Variants in NCAM1 observed in about 807,000 individuals in gnomAD.
The protein encoded by NCAM1 is neural cell adhesion molecule 1, also known as antigen recognized by monoclonal antibody 5.1H11.
In NCAM1, 14 loss-of-function variants were observed where a neutral mutation model predicts 109.8. That is an observed-to-expected ratio of 0.13 (90% CI 0.08 to 0.20). The LOEUF is 0.20. Among genes scored for constraint, NCAM1 ranks in the 10% least tolerant of loss-of-function variants. The pLI, the probability that NCAM1 is intolerant of heterozygous loss-of-function variation, is 1.00. For missense variants in NCAM1, 774 were observed against 1,109.9 expected (o/e 0.70, Z 4.30); for synonymous variants, 418 against 442.9 (o/e 0.94, Z 0.70).
intron 1 of NCAM1, among the ~76,000 whole-genome samples, chr11:113,102,033 C>T (rs1315751077): frequency 6.6e-6 from 1 of 152,084 alleles, no homozygotes; most frequent in Non-Finnish European, 1.5e-5. Context: ...TGGGTTAATA[C>T]CTGATTAACA....
intron 1 of NCAM1, 37 bp from the exon 2 acceptor site, chr11:113,202,342 G>C (rs199912330): frequency 6.9e-5 from 79 of 1,142,022 alleles, no homozygotes; most frequent in Non-Finnish European, 9.2e-5. Flanking sequence ...GTTTTTTTTT[G>C]TTTTTTGTTT....
chr11:113,153,475 A>T (rs11214517), intron 1 of NCAM1, among the ~76,000 whole-genome samples: 1,895 of 148,702 alleles, frequency 0.013, 20 homozygotes, highest in Admixed American at 0.028. Context: ...AGAGAGAGAG[A>T]GTGTGTGTGT....
chr11:113,101,240 C>G (rs1939861244), intron 1 of NCAM1, among the ~76,000 whole-genome samples: 1 of 152,124 alleles, frequency 6.6e-6, no homozygotes, highest in South Asian at 2.1e-4. Flanking sequence ...ACCTAGAGTT[C>G]CTATGGCCTC....
chr11:113,091,365 T>G (rs1939336513), intron 1 of NCAM1, among the ~76,000 whole-genome samples: 2 of 152,270 alleles, frequency 1.3e-5, no homozygotes, highest in South Asian at 4.1e-4. Context: ...CAGGATGGTA[T>G]GCTGCAGATG....
chr11:113,017,142 A>G lies in NCAM1; in HGVS notation c.52+55478A>G, dbSNP rs532718077. Among the ~76,000 whole-genome samples, 26 of 152,284 alleles carry G rather than the reference A, an allele frequency of 1.7e-4. No individual in the cohort carries two copies. The East Asian group carries it at 5.0e-3, about 29-fold the overall frequency. ...CCTTGACTCTTCAGCAGTTTCCATG[A>G]GGTAGAAGAAACTGCTCCACCTTCT... On this transcript the variant is annotated intron_variant, in intron 1 of 19. Transcript: ENST00000316851.
At chr11:113,162,995 C>T (rs1156602433) in intron 1 of NCAM1, among the ~76,000 whole-genome samples, 1 of 152,306 alleles carries the variant, frequency 6.6e-6, no homozygotes, top group East Asian at 1.9e-4. Flanking sequence ...CCTTCACACT[C>T]AAATTCCCCT....
intron 1 of NCAM1, among the ~76,000 whole-genome samples, chr11:113,136,865 A>G (rs2136166590): frequency 6.6e-6 from 1 of 152,182 alleles, no homozygotes; most frequent in Admixed American, 6.5e-5. Flanking sequence ...CAAGAGGAGG[A>G]GCTGAATGGA....
intron 1 of NCAM1, among the ~76,000 whole-genome samples, chr11:113,116,770 G>C (rs1940732856): frequency 6.6e-6 from 1 of 151,410 alleles, no homozygotes; most frequent in African/African-American, 2.5e-5. Flanking sequence ...CATTCTTCAA[G>C]AGGCTCTTTC....
chr11:113,005,822 T>C (rs1227576214), intron 1 of NCAM1, among the ~76,000 whole-genome samples: 2 of 152,342 alleles, frequency 1.3e-5, no homozygotes, highest in Non-Finnish European at 2.9e-5. Flanking sequence ...AAGAATGTCT[T>C]TCAAGCACAT....
chr11:113,263,667 C>A, intron 17 of NCAM1: 4 of 985,554 alleles, frequency 4.1e-6, no homozygotes, highest in Non-Finnish European at 4.8e-6. Context: ...TGTTTGTCTC[C>A]CAATCGGGGT....
chr11:113,265,441 A>G (rs1946118328), intron 17 of NCAM1, among the ~76,000 whole-genome samples: 1 of 152,168 alleles, frequency 6.6e-6, no homozygotes, highest in Non-Finnish European at 1.5e-5. Flanking sequence ...CCTTTGCAGA[A>G]CTGGGGAGGT....
intron 15 of NCAM1, 92 bp downstream of exon 15, chr11:113,246,462 A>G: frequency 1.4e-6 from 1 of 692,686 alleles, no homozygotes; most frequent in African/African-American, 1.8e-5. Flanking sequence ...AGATTTCCTA[A>G]GCAAAGCCAT....
chr11:113,245,690 C>T (rs1472068728), intron 14 of NCAM1, among the ~76,000 whole-genome samples: 2 of 152,146 alleles, frequency 1.3e-5, no homozygotes, highest in African/African-American at 4.8e-5. Context: ...ATCCTCAAAG[C>T]CACCATCTCT....
rs1555126420 is a variant in NCAM1, at chr11:113,275,574, T to C, written c.*187T>C. 13 of 710,292 alleles carry C rather than the reference T, an allele frequency of 1.8e-5. No individual in the cohort carries two copies. Among genetic ancestry groups the C allele is most frequent in the Non-Finnish European group, 2.8e-5 (13 of 467,976 alleles). The allele number at this position is 710,292 out of a possible 1,614,324, so 44.0% of individuals were successfully genotyped here. A position where few individuals can be genotyped will look rare whatever the true frequency, so the allele number is the denominator to read the frequency against. ...AAACAGATAAAACATGGGAATCTCC[T>C]TTTTGTAGGTTTATAGAAAGGGTCC... is the stretch of plus-strand genomic sequence containing the variant. On this transcript the variant is annotated 3_prime_UTR_variant, in exon 20 of 20. Coordinates refer to ENST00000316851, the MANE Select transcript of NCAM1 (RefSeq NM_181351.5).
chr11:113,168,428 G>T (rs1942881543), intron 1 of NCAM1, among the ~76,000 whole-genome samples: 1 of 152,148 alleles, frequency 6.6e-6, no homozygotes, highest in Admixed American at 6.5e-5. Flanking sequence ...CTGCTAGCTT[G>T]CACGGTCGTG....
intron 1 of NCAM1, among the ~76,000 whole-genome samples, chr11:113,067,805 G>A (rs1486004148): frequency 2.6e-5 from 4 of 152,130 alleles, no homozygotes; most frequent in East Asian, 3.9e-4. Context: ...GAGAAATGTC[G>A]TGTTAACAAA....
chr11:113,014,122 A>C (rs1030258662), intron 1 of NCAM1, among the ~76,000 whole-genome samples: 1 of 152,118 alleles, frequency 6.6e-6, no homozygotes, highest in Non-Finnish European at 1.5e-5. Context: ...TACTCAGATA[A>C]ATGGTATACT....
intron 1 of NCAM1, among the ~76,000 whole-genome samples, chr11:112,999,160 C>G (rs1456580488): frequency 6.6e-6 from 1 of 152,114 alleles, no homozygotes; most frequent in African/African-American, 2.4e-5. Context: ...ATTTTATAGG[C>G]CTCCCTCTGA....
At chr11:113,055,985 ATATATATATATATAT>A (rs1953687080) in intron 1 of NCAM1, among the ~76,000 whole-genome samples, 1 of 37,154 alleles carries the variant, frequency 2.7e-5, no homozygotes, top group African/African-American at 1.1e-4. Context: ...TGTGATATAT[ATATATATATATATAT>A]ATATATATAT....
Sources: allele counts gnomAD v4.1 joint callset (sites outside exome capture counted in the v4.1 genomes callset), GRCh38; gene constraint gnomAD v4.1.1; transcripts MANE v1.5; gene names NCBI Gene and HGNC (gene_info 2026-07-23, HGNC 2026-07-21).